The following CASK variants were observed in gnomAD, a reference collection of about 807,000 sequenced individuals.
The protein encoded by CASK is calcium/calmodulin dependent serine protein kinase.
CASK carries 4 observed loss-of-function variants against 82.9 expected under a neutral mutation model. The observed-to-expected ratio is 0.05, with a 90% CI of 0.02 to 0.11. The LOEUF (loss-of-function observed/expected upper bound fraction) is 0.11. CASK is among the 10% of genes least tolerant of loss of function. CASK has a pLI of 1.00. For missense variants in CASK, 358 were observed against 720.9 expected (o/e 0.50, Z 5.76); for synonymous variants, 259 against 253.5 (o/e 1.02, Z -0.20).
chrX:41,878,477 A>T (rs2071876875), intron 1 of CASK, among the ~76,000 whole-genome samples: 1 of 110,662 alleles, frequency 9.0e-6, no homozygotes, highest in Non-Finnish European at 1.9e-5. Flanking sequence ...TTTTTTTAAA[A>T]TTTTATTTCC....
chrX:41,819,609 T>C (rs2070487149), intron 2 of CASK, among the ~76,000 whole-genome samples: 1 of 111,499 alleles, frequency 9.0e-6, no homozygotes, highest in South Asian at 3.7e-4. Context: ...AACCTGACTC[T>C]ACTGATACCT....
intron 5 of CASK, among the ~76,000 whole-genome samples, chrX:41,685,320 T>C (rs2067423817): frequency 8.9e-6 from 1 of 112,054 alleles, no homozygotes; most frequent in Admixed American, 9.5e-5. Context: ...ACTCCCAATC[T>C]TTTCTTCCCC....
chrX:41,847,425 T>C (rs1035795149), intron 2 of CASK, among the ~76,000 whole-genome samples: 7 of 111,916 alleles, frequency 6.3e-5, no homozygotes, highest in South Asian at 3.7e-4. Context: ...TATTTTTCAA[T>C]TCCAGAATTT....
intron 5 of CASK, among the ~76,000 whole-genome samples, chrX:41,680,183 CAAA>C (rs1249667322): frequency 1.3e-5 from 1 of 79,926 alleles, no homozygotes. Flanking sequence ...GACCTTGTCT[CAAA>C]AAAAAAAAAA....
intron 18 of CASK, chrX:41,559,507 A>T: frequency 2.9e-6 from 1 of 340,257 alleles, no homozygotes; most frequent in Non-Finnish European, 5.2e-6. Context: ...TTTTTTCCTT[A>T]TTAAGCCTTA....
intron 16 of CASK, among the ~76,000 whole-genome samples, chrX:41,566,770 G>A (rs931241244): frequency 4.1e-5 from 4 of 97,688 alleles, no homozygotes; most frequent in Non-Finnish European, 4.5e-5. Context: ...AAAAGAGCCC[G>A]CATTGCCAAG....
At chrX:41,733,753 A>T (rs551544728) in intron 5 of CASK, among the ~76,000 whole-genome samples, 246 of 110,721 alleles carry the variant, frequency 2.2e-3, no homozygotes, top group South Asian at 0.019. Flanking sequence ...TGTCTCAAAA[A>T]AAATAAATAA....
intron 12 of CASK, among the ~76,000 whole-genome samples, chrX:41,599,229 T>C (rs747614598): frequency 1.8e-5 from 2 of 112,077 alleles, no homozygotes; most frequent in African/African-American, 6.5e-5. Flanking sequence ...GCTCTTGAGT[T>C]AGGTGTTCCG....
intron 3 of CASK, among the ~76,000 whole-genome samples, chrX:41,768,884 A>G (rs1300140007): frequency 8.9e-6 from 1 of 112,154 alleles, no homozygotes; most frequent in Admixed American, 9.5e-5. Flanking sequence ...ACAACTAATG[A>G]AAGTGACTAG....
chrX:41,551,618 C>T (rs1387219816), intron 21 of CASK, among the ~76,000 whole-genome samples: 2 of 110,363 alleles, frequency 1.8e-5, no homozygotes, highest in Non-Finnish European at 3.8e-5. Context: ...TCACTGAGGC[C>T]TGGTGTGGTG....
At chrX:41,636,516 A>G (rs745540711) in intron 9 of CASK, 62 bp downstream of exon 9, 1 of 725,208 alleles carries the variant, frequency 1.4e-6, no homozygotes, top group African/African-American at 2.1e-5. Context: ...GCACCAAAAT[A>G]GAATAAAAAC....
chrX:41,799,628 T>G (rs1282894178), intron 2 of CASK, among the ~76,000 whole-genome samples: 1 of 108,558 alleles, frequency 9.2e-6, no homozygotes, highest in East Asian at 2.9e-4. Flanking sequence ...ATCTCTCCCC[T>G]GGAGAGACAT....
At chrX:41,723,555 T>A (rs1038536532) in intron 5 of CASK, among the ~76,000 whole-genome samples, 1 of 111,682 alleles carries the variant, frequency 9.0e-6, no homozygotes, top group African/African-American at 3.3e-5. Flanking sequence ...CCCCAAACAG[T>A]GTATTATGTT....
intron 14 of CASK, chrX:41,583,842 T>G (rs1257798206): frequency 1.8e-5 from 2 of 110,427 alleles, no homozygotes; most frequent in African/African-American, 6.6e-5. Flanking sequence ...CCCAGGCTCA[T>G]GTGATCCTCC....
chrX:41,809,877 T>C (rs1026671142), intron 2 of CASK, among the ~76,000 whole-genome samples: 1 of 111,583 alleles, frequency 9.0e-6, no homozygotes, highest in Non-Finnish European at 1.9e-5. Context: ...GAATAACTAA[T>C]GTAGAAAAGT....
chrX:41,589,659 T>C, intron 12 of CASK, 67 bp from the exon 13 acceptor site: 1 of 752,610 alleles, frequency 1.3e-6, no homozygotes, highest in South Asian at 2.2e-5. Flanking sequence ...AGCTTCATAT[T>C]TATTATTTCA....
intron 3 of CASK, among the ~76,000 whole-genome samples, chrX:41,749,376 ATT>A (rs35045589): frequency 1.4e-5 from 1 of 72,385 alleles, no homozygotes; most frequent in Non-Finnish European, 2.8e-5. Flanking sequence ...TTCTTCACCA[ATT>A]TTTTTTTTTT....
intron 2 of CASK, among the ~76,000 whole-genome samples, chrX:41,813,835 T>C (rs1451885163): frequency 5.2e-4 from 58 of 111,478 alleles, no homozygotes; most frequent in Non-Finnish European, 1.1e-3. Flanking sequence ...ATTTTTGCAA[T>C]CTACTCATCT....
chrX:41,600,443 T>C (rs1000333104), intron 12 of CASK, among the ~76,000 whole-genome samples: 16 of 112,502 alleles, frequency 1.4e-4, no homozygotes, highest in Middle Eastern at 9.2e-3. Flanking sequence ...TCCTTGAGCA[T>C]AGCATAAAGA....
Sources: allele counts gnomAD v4.1 joint callset (sites outside exome capture counted in the v4.1 genomes callset), GRCh38; gene constraint gnomAD v4.1.1; transcripts MANE v1.5; gene names NCBI Gene and HGNC (gene_info 2026-07-23, HGNC 2026-07-21).